The following C6orf62 variants were observed in gnomAD, a reference collection of about 807,000 sequenced individuals.
The protein encoded by C6orf62 is chromosome 6 open reading frame 62, also known as uncharacterized protein C6orf62.
A neutral mutation model predicts 26.8 loss-of-function variants in C6orf62; 16 were observed. The ratio of observed to expected loss-of-function variants is 0.60; its 90% CI spans 0.40 to 0.91. The LOEUF (loss-of-function observed/expected upper bound fraction) is 0.91. Ranked by LOEUF, C6orf62 falls within the 40% of genes least tolerant of loss-of-function variation. The pLI is 0.00. For missense variants in C6orf62, 192 were observed against 271.4 expected (o/e 0.71, Z 2.06); for synonymous variants, 112 against 91.5 (o/e 1.22, Z -1.28).
At chr6:24,720,567 G>A (rs1402347571), upstream of C6orf62, 3 of 206,214 alleles carry the variant, frequency 1.5e-5, no homozygotes, top group Middle Eastern at 2.1e-3. Context: ...TGGCGGCGGA[G>A]GGGGAAGGGA....
intron 3 of C6orf62, among the ~76,000 whole-genome samples, chr6:24,713,996 G>A (rs899142541): frequency 1.3e-5 from 2 of 152,294 alleles, no homozygotes; most frequent in African/African-American, 4.8e-5. Flanking sequence ...GGTTTTAGAA[G>A]GATGTGTGGT....
intron 3 of C6orf62, chr6:24,710,617 G>A (rs940411295): frequency 1.1e-5 from 11 of 984,492 alleles, no homozygotes; most frequent in Non-Finnish European, 1.2e-5. Flanking sequence ...AAAAGTAACA[G>A]TAAGTAACAC....
chr6:24,707,802 G>C (rs1779038462), intron 4 of C6orf62, among the ~76,000 whole-genome samples: 1 of 151,130 alleles, frequency 6.6e-6, no homozygotes, highest in African/African-American at 2.4e-5. Flanking sequence ...AGGAGATTGA[G>C]ACCATCCTGG....
At chr6:24,711,478 C>G (rs1779119518) in intron 3 of C6orf62, among the ~76,000 whole-genome samples, 1 of 152,226 alleles carries the variant, frequency 6.6e-6, no homozygotes, top group South Asian at 2.1e-4. Context: ...TATATCCTCA[C>G]TACCCATATA....
chr6:24,708,552 G>A (rs1273326644), intron 4 of C6orf62, among the ~76,000 whole-genome samples: 1 of 152,030 alleles, frequency 6.6e-6, no homozygotes, highest in Admixed American at 6.6e-5. Context: ...TGCCCAGGCT[G>A]GTCTGGAATT....
At chr6:24,707,271 TCATACA>T (rs1779028515) in intron 4 of C6orf62, 1 of 152,162 alleles carries the variant, frequency 6.6e-6, no homozygotes, top group Non-Finnish European at 1.5e-5. Context: ...CTGTCCAAGA[TCATACA>T]GCCAGCAAGT....
chr6:24,707,180 TAAC>T (rs1779026438), intron 4 of C6orf62: 1 of 152,248 alleles, frequency 6.6e-6, no homozygotes, highest in Non-Finnish European at 1.5e-5. Flanking sequence ...ATTTTAAATG[TAAC>T]AACCTTACGT....
upstream of C6orf62, chr6:24,719,922 C>A: frequency 6.4e-7 from 1 of 1,550,402 alleles, no homozygotes. Context: ...AAACAATTCC[C>A]GCCCGGGTGG....
At chr6:24,719,759 G>C, upstream of C6orf62, 1 of 1,543,260 alleles carries the variant, frequency 6.5e-7, no homozygotes, top group Non-Finnish European at 8.7e-7. Flanking sequence ...GGCAAAGGTG[G>C]CGGGTTCTTC....
upstream of C6orf62, chr6:24,719,600 G>A: frequency 7.1e-7 from 1 of 1,399,658 alleles, no homozygotes; most frequent in Non-Finnish European, 9.3e-7. Flanking sequence ...TAATTATTCC[G>A]GCTCTGTGGT....
chr6:24,715,880 C>T (rs566906998), intron 2 of C6orf62, among the ~76,000 whole-genome samples: 1 of 144,506 alleles, frequency 6.9e-6, no homozygotes, highest in Non-Finnish European at 1.5e-5. Context: ...AGTCCGAGAT[C>T]ATCAACACCT....
At chr6:24,709,882 C>A (rs1417854411) in intron 3 of C6orf62, 11 of 984,458 alleles carry the variant, frequency 1.1e-5, no homozygotes, top group Admixed American at 6.2e-5. Context: ...AATTGTTAGT[C>A]CATTTTGGTT....
rs1316541777 is a variant in C6orf62, at chr6:24,719,002, C to A, written c.-334G>T. The A allele has an allele frequency of 8.9e-7, 1 of 1,128,940 alleles. No homozygotes were observed. The highest frequency in any genetic ancestry group is 1.7e-5 in the African/African-American group (1 of 59,358). 69.9% of individuals were successfully genotyped at this position (1,128,940 alleles called of 1,614,324 possible). A position where few individuals can be genotyped will look rare whatever the true frequency, so the allele number is the denominator to read the frequency against. On this transcript the variant is annotated 5_prime_UTR_variant, in exon 1 of 5. Transcript: ENST00000378119. ...TTTGGCTTAACTGCCAAAATAAAGG[C>A]TTTGCGGAGAAATGAAAAGCCTATA... is the stretch of plus-strand genomic sequence containing the variant.
upstream of C6orf62, chr6:24,719,810 A>ACCCC: frequency 7.8e-7 from 1 of 1,276,670 alleles, no homozygotes; most frequent in Non-Finnish European, 1.1e-6. Context: ...CCTGCCTTCC[A>ACCCC]CCCCCGCAGG....
chr6:24,714,297 T>C (rs1779180826), intron 3 of C6orf62, 21 bp downstream of exon 3: 1 of 1,588,292 alleles, frequency 6.3e-7, no homozygotes, highest in South Asian at 1.2e-5. Context: ...GAAATACTCA[T>C]CACACTTTAG....
At chr6:24,714,563 A>C in intron 2 of C6orf62, 123 bp from the exon 3 acceptor site, 2 of 611,620 alleles carry the variant, frequency 3.3e-6, no homozygotes, top group Non-Finnish European at 2.8e-6. Flanking sequence ...ACCATATATC[A>C]TTTTATATCT....
upstream of C6orf62, chr6:24,719,820 G>GGCCC: frequency 6.5e-7 from 1 of 1,546,564 alleles, no homozygotes; most frequent in Non-Finnish European, 8.7e-7. Flanking sequence ...ACCCCCGCAG[G>GGCCC]TCCCACCCCC....
At chr6:24,711,451 C>T (rs1779118754) in intron 3 of C6orf62, among the ~76,000 whole-genome samples, 1 of 152,082 alleles carries the variant, frequency 6.6e-6, no homozygotes, top group Non-Finnish European at 1.5e-5. Flanking sequence ...AAAAACAATC[C>T]TTATTCTGGT....
At chr6:24,719,403 G>A, upstream of C6orf62, 1 of 1,027,954 alleles carries the variant, frequency 9.7e-7, no homozygotes, top group Non-Finnish European at 1.2e-6. Context: ...GAGGTACAGG[G>A]TTTCCCTGCA....
Sources: allele counts gnomAD v4.1 joint callset (sites outside exome capture counted in the v4.1 genomes callset), GRCh38; gene constraint gnomAD v4.1.1; transcripts MANE v1.5; gene names NCBI Gene and HGNC (gene_info 2026-07-23, HGNC 2026-07-21).